The following ROBO2 variants were observed in gnomAD, a reference collection of about 807,000 sequenced individuals.
ROBO2 encodes roundabout guidance receptor 2.
In ROBO2, 53 loss-of-function variants were observed where a neutral mutation model predicts 160.8. The observed-to-expected ratio is 0.33, with a 90% CI of 0.26 to 0.41. ROBO2 has a LOEUF of 0.41. Ranked by LOEUF, ROBO2 falls within the 10% of genes least tolerant of loss-of-function variation. The pLI is 1.00. For missense variants in ROBO2, 1,577 were observed against 1,722.4 expected (o/e 0.92, Z 1.49); for synonymous variants, 664 against 611.7 (o/e 1.09, Z -1.26).
chr3:76,347,027 C>T (rs1020739484), intron 2 of ROBO2, among the ~76,000 whole-genome samples: 1 of 151,800 alleles, frequency 6.6e-6, no homozygotes, highest in Admixed American at 6.6e-5. Context: ...TGGCTGAACA[C>T]CTAAGGAGAA....
intron 2 of ROBO2, among the ~76,000 whole-genome samples, chr3:76,807,562 G>C (rs185023820): frequency 4.6e-5 from 7 of 151,956 alleles, no homozygotes; most frequent in Non-Finnish European, 8.8e-5. Context: ...TCATCTTTTA[G>C]GTTCTAACTA....
At chr3:77,141,217 T>C (rs1293843492) in intron 2 of ROBO2, among the ~76,000 whole-genome samples, 1 of 152,182 alleles carries the variant, frequency 6.6e-6, no homozygotes, top group African/African-American at 2.4e-5. Context: ...GAGTCTATGA[T>C]TCTGTGTTGT....
chr3:77,385,823 C>T (rs1035217173), intron 2 of ROBO2, among the ~76,000 whole-genome samples: 2 of 152,142 alleles, frequency 1.3e-5, no homozygotes, highest in African/African-American at 2.4e-5. Flanking sequence ...AGGTAACTTA[C>T]TCAAAACCCT....
At chr3:76,141,184 TATA>T in intron 2 of ROBO2, among the ~76,000 whole-genome samples, 2 of 111,402 alleles carry the variant, frequency 1.8e-5, no homozygotes, top group Admixed American at 9.9e-5. Context: ...TATATATATA[TATA>T]TTTAATGTCT....
intron 2 of ROBO2, among the ~76,000 whole-genome samples, chr3:76,760,627 T>TAC (rs914767188): frequency 1.1e-4 from 16 of 151,644 alleles, no homozygotes; most frequent in African/African-American, 2.9e-4. Context: ...CTTTTGCTCT[T>TAC]ACACACACAC....
At chr3:75,969,587 TATA>T (rs1466666569) in intron 2 of ROBO2, among the ~76,000 whole-genome samples, 2 of 151,626 alleles carry the variant, frequency 1.3e-5, no homozygotes, top group Non-Finnish European at 3.0e-5. Flanking sequence ...CTCTTTTTTA[TATA>T]ATAACCATCC....
intron 2 of ROBO2, among the ~76,000 whole-genome samples, chr3:76,645,693 TA>T (rs1473118112): frequency 6.6e-6 from 1 of 152,114 alleles, no homozygotes; most frequent in Admixed American, 6.6e-5. Context: ...TGTTGGCGAC[TA>T]AAGGCATTCA....
chr3:77,148,946 C>A, intron 2 of ROBO2, among the ~76,000 whole-genome samples: 1 of 151,922 alleles, frequency 6.6e-6, no homozygotes, highest in Admixed American at 6.6e-5. Context: ...TATAATTACA[C>A]AACAGTAATC....
rs565273043 is a variant in ROBO2 at position 77,227,820 on chromosome 3, G to C, written c.388+129480G>C. ...CAACTGCCTTACTCTGTCATTGACTGTCAAGTCAGTCAAAATAGTGAAACT... is the reference window on the plus strand; with the variant it reads ...CAACTGCCTTACTCTGTCATTGACTCTCAAGTCAGTCAAAATAGTGAAACT... On this transcript the variant is annotated intron_variant, in intron 2 of 25. Transcript: ENST00000461745. Among the ~76,000 whole-genome samples the C allele has an allele frequency of 1.9e-4, 29 of 152,298 alleles. 1 individual carries two copies. Among genetic ancestry groups the C allele is most frequent in the African/African-American group, 6.3e-4 (26 of 41,584 alleles).
chr3:76,865,897 CT>C (rs747975038), intron 2 of ROBO2, among the ~76,000 whole-genome samples: 1 of 151,972 alleles, frequency 6.6e-6, no homozygotes, highest in Non-Finnish European at 1.5e-5. Context: ...TTATAGCTAC[CT>C]TGTATTTTAG....
rs1035035477 is a variant in ROBO2 at position 77,601,435 on chromosome 3, T to C, written c.2855-775T>C. ...AGCAGTTCTGAATTATAAAGCATCATGTAAAAATAATTCAGCATACCAAAA... is the reference window on the plus strand; with the variant it reads ...AGCAGTTCTGAATTATAAAGCATCACGTAAAAATAATTCAGCATACCAAAA... On this transcript the variant is annotated intron_variant, in intron 19 of 25. Coordinates refer to ENST00000461745, the Ensembl canonical transcript of ROBO2. Among the ~76,000 whole-genome samples the C allele has an allele frequency of 6.6e-5, 10 of 152,300 alleles. No homozygotes were observed. In the South Asian group the frequency reaches 1.0e-3, roughly 16 times the overall value.
chr3:75,951,470 C>T (rs1948533623), intron 2 of ROBO2, among the ~76,000 whole-genome samples: 1 of 151,992 alleles, frequency 6.6e-6, no homozygotes, highest in South Asian at 2.1e-4. Context: ...ATGAAACAAG[C>T]CATTGATTAA....
At chr3:76,526,067 G>A in intron 2 of ROBO2, among the ~76,000 whole-genome samples, 1 of 151,902 alleles carries the variant, frequency 6.6e-6, no homozygotes, top group Non-Finnish European at 1.5e-5. Flanking sequence ...AACAAGTCTT[G>A]ATTAGCTGAG....
chr3:76,043,299 T>C (rs112513961), intron 2 of ROBO2, among the ~76,000 whole-genome samples: 15 of 151,880 alleles, frequency 9.9e-5, no homozygotes, highest in African/African-American at 3.4e-4. Context: ...GTCTCTCCCT[T>C]TTCGTTTGTA....
intron 2 of ROBO2, among the ~76,000 whole-genome samples, chr3:76,172,628 C>T (rs1041767743): frequency 6.6e-6 from 1 of 151,598 alleles, no homozygotes; most frequent in Non-Finnish European, 1.5e-5. Flanking sequence ...AACATACTGA[C>T]AACTAAGAAA....
intron 2 of ROBO2, among the ~76,000 whole-genome samples, chr3:76,182,145 C>T (rs983948093): frequency 3.9e-5 from 6 of 152,076 alleles, no homozygotes; most frequent in Non-Finnish European, 7.4e-5. Context: ...AATATATTTT[C>T]AATGAAAAGA....
In ROBO2 at chr3:77,506,290, A is replaced by AC. The variant is rs778021989; in HGVS notation, c.806+12908_806+12909insC. ...AAAATAAAGTGATTCTTCTGCTCAA[A>AC]ATATACTGCGTGGTGTCCCAGTGTC... On this transcript the variant is annotated intron_variant, in intron 5 of 25. Coordinates refer to ENST00000461745, the Ensembl canonical transcript of ROBO2. 8.5e-5 allele frequency among the ~76,000 whole-genome samples: 13 copies of AC among 152,128 alleles called. 1 individual carries two copies. Among genetic ancestry groups the AC allele is most frequent in the Non-Finnish European group, 1.5e-5 (1 of 68,026 alleles).
intron 2 of ROBO2, among the ~76,000 whole-genome samples, chr3:77,334,912 A>G (rs551146808): frequency 2.6e-5 from 4 of 152,300 alleles, no homozygotes; most frequent in South Asian, 4.1e-4. Flanking sequence ...AAGGTTATCT[A>G]TATTATTCCA....
At chr3:76,709,864 T>G (rs2093252878) in intron 2 of ROBO2, among the ~76,000 whole-genome samples, 1 of 152,196 alleles carries the variant, frequency 6.6e-6, no homozygotes. Flanking sequence ...CACTGTCTAT[T>G]GCAATGTGGG....
Sources: allele counts gnomAD v4.1 joint callset (sites outside exome capture counted in the v4.1 genomes callset), GRCh38; gene constraint gnomAD v4.1.1; transcripts MANE v1.5; gene names NCBI Gene and HGNC (gene_info 2026-07-23, HGNC 2026-07-21).